Variants in GABRA2 observed in about 807,000 individuals in gnomAD.
GABRA2 encodes the protein gamma-aminobutyric acid type A receptor subunit alpha2.
In GABRA2, 16 loss-of-function variants were observed where a neutral mutation model predicts 48.7. That is an observed-to-expected ratio of 0.33 (90% CI 0.22 to 0.50). The LOEUF is 0.50. Ranked by LOEUF, GABRA2 falls within the 20% of genes least tolerant of loss-of-function variation. The pLI, the probability that GABRA2 is intolerant of heterozygous loss-of-function variation, is 0.98. For missense variants in GABRA2, 275 were observed against 535.6 expected, an observed-to-expected ratio of 0.51 and a Z score of 4.80; for synonymous variants, 185 against 184.5, an observed-to-expected ratio of 1.00 and a Z score of -0.02.
intron 3 of GABRA2, among the ~76,000 whole-genome samples, chr4:46,380,616 A>C (rs1716630399): frequency 6.6e-6 from 1 of 152,048 alleles, no homozygotes; most frequent in Non-Finnish European, 1.5e-5. Flanking sequence ...ACAAATAAAG[A>C]AACTGAAGCA....
intron 4 of GABRA2, among the ~76,000 whole-genome samples, chr4:46,313,182 AAACAT>A (rs1727959050): frequency 6.7e-6 from 1 of 150,200 alleles, no homozygotes; most frequent in Non-Finnish European, 1.5e-5. Context: ...TAAAAAGAAA[AAACAT>A]AACAGAAAAA....
chr4:46,315,122 C>T (rs1728324088), intron 4 of GABRA2, among the ~76,000 whole-genome samples: 1 of 149,374 alleles, frequency 6.7e-6, no homozygotes, highest in African/African-American at 2.5e-5. Context: ...TGTAAGTATT[C>T]ACTTTAGTCT....
At position 46,292,069 on chromosome 4, in the gene GABRA2, C is replaced by T. The variant is rs1011550979; in HGVS notation, c.856+11391G>A. Among the ~76,000 whole-genome samples the T allele has an allele frequency of 3.9e-5, 6 of 152,164 alleles. No homozygotes were observed. In the East Asian group the frequency reaches 1.2e-3, roughly 30 times the overall value. ...ACGCCAAATGAGTGCATTTGACACT[C>T]CTGATTCATGGCTAGAGAGAGGCAA... On this transcript the variant is annotated intron_variant, in intron 8 of 9. Transcript: ENST00000381620.
intron 9 of GABRA2, among the ~76,000 whole-genome samples, chr4:46,257,954 C>G (rs77612866): frequency 1.3e-5 from 2 of 151,620 alleles, no homozygotes; most frequent in Non-Finnish European, 3.0e-5. Flanking sequence ...TAGGTATGGG[C>G]AGTGGAAAGA....
chr4:46,307,570 G>A (rs768122228), intron 6 of GABRA2, among the ~76,000 whole-genome samples: 2 of 151,930 alleles, frequency 1.3e-5, no homozygotes, highest in Non-Finnish European at 2.9e-5. Flanking sequence ...CTGATAGGCA[G>A]TGACTCTGTC....
chr4:46,296,716 G>A (rs2109577332), intron 8 of GABRA2, among the ~76,000 whole-genome samples: 1 of 148,834 alleles, frequency 6.7e-6, no homozygotes, highest in African/African-American at 2.5e-5. Flanking sequence ...AGGAAATACA[G>A]GATGGGTAGT....
chr4:46,333,294 T>C (rs756524782), intron 3 of GABRA2, among the ~76,000 whole-genome samples: 4 of 152,110 alleles, frequency 2.6e-5, no homozygotes, highest in Non-Finnish European at 5.9e-5. Context: ...AAGACTGAAC[T>C]AAATTGGATT....
chr4:46,261,811 T>C (rs1717032274), intron 9 of GABRA2, 115 bp downstream of exon 9: 1 of 894,918 alleles, frequency 1.1e-6, no homozygotes, highest in African/African-American at 1.7e-5. Context: ...TTGATATGAT[T>C]CAAATTCATA....
At chr4:46,307,573 ACT>A (rs1726918824) in intron 6 of GABRA2, among the ~76,000 whole-genome samples, 1 of 152,072 alleles carries the variant, frequency 6.6e-6, no homozygotes, top group Non-Finnish European at 1.5e-5. Flanking sequence ...ATAGGCAGTG[ACT>A]CTGTCTGATT....
chr4:46,371,458 T>C (rs1714877424), intron 3 of GABRA2, among the ~76,000 whole-genome samples: 1 of 152,178 alleles, frequency 6.6e-6, no homozygotes, highest in Non-Finnish European at 1.5e-5. Flanking sequence ...GTTCACAACC[T>C]TCATTACAGA....
intron 8 of GABRA2, among the ~76,000 whole-genome samples, chr4:46,281,457 A>G (rs1028531000): frequency 2.0e-5 from 3 of 152,194 alleles, no homozygotes; most frequent in Admixed American, 6.5e-5. Flanking sequence ...GAGACTAAGA[A>G]GGCATGAAAA....
chr4:46,314,661 G>A (rs1728241715), intron 4 of GABRA2, among the ~76,000 whole-genome samples: 1 of 151,976 alleles, frequency 6.6e-6, no homozygotes. Flanking sequence ...GCAATAACCA[G>A]TGTCTATCGC....
chr4:46,388,732 G>C lies in GABRA2; in HGVS notation c.-10-16C>G. The C allele has an allele frequency of 6.2e-7, 1 of 1,613,168 alleles. No homozygotes were observed. Among genetic ancestry groups the C allele is most frequent in the South Asian group, 1.1e-5 (1 of 90,786 alleles). ...CACCGCCGCTCTTTACAAAGCCATG[G>C]AATGAAAAACAAAATACACTTAAAA... On this transcript the variant is annotated splice_polypyrimidine_tract_variant and intron_variant, in intron 1 of 9. Transcript: ENST00000381620.
chr4:46,264,008 A>C (rs1560446260), intron 8 of GABRA2, among the ~76,000 whole-genome samples: 2 of 151,340 alleles, frequency 1.3e-5, no homozygotes, highest in Non-Finnish European at 2.9e-5. Context: ...ATACAGCAAC[A>C]TTCTATAGTT....
chr4:46,261,927 T>C lies in GABRA2; in HGVS notation c.1058A>G (p.Lys353Arg), dbSNP rs1717069691. Residue 353 changes from lysine (K) to arginine (R), a missense_variant and splice_region_variant, in exon 9 of 10, where the codon AAG becomes AGG. Physicochemically the swap from Lys to Arg is conservative, Grantham distance 26. Coordinates refer to ENST00000381620, the MANE Select transcript of GABRA2 (RefSeq NM_000807.4). ...AWDGKSVVND[K>R]KKEKASVMIQ... is the part of the protein sequence containing the mutation. The stretch of plus-strand genomic sequence containing the variant: ...GATAACACGGAAGCTCTCACTTACC[T>C]TGTCATTTACTACACTCTTCCCATC... 6.2e-7 allele frequency: 1 copy of C among 1,612,368 alleles called. No homozygotes were observed. The highest frequency in any genetic ancestry group is 1.3e-5 in the African/African-American group (1 of 74,878).
At chr4:46,296,256 A>G (rs1226697607) in intron 8 of GABRA2, among the ~76,000 whole-genome samples, 1 of 152,136 alleles carries the variant, frequency 6.6e-6, no homozygotes, top group Non-Finnish European at 1.5e-5. Flanking sequence ...GTGATCCATT[A>G]GCAAAATTTT....
intron 8 of GABRA2, among the ~76,000 whole-genome samples, chr4:46,289,364 A>G (rs1723150987): frequency 1.3e-5 from 2 of 152,238 alleles, no homozygotes; most frequent in Admixed American, 1.3e-4. Context: ...AATACTACGC[A>G]GCTATAAAAA....
intron 4 of GABRA2, among the ~76,000 whole-genome samples, chr4:46,316,074 C>A (rs1394761716): frequency 6.6e-6 from 1 of 151,766 alleles, no homozygotes; most frequent in Non-Finnish European, 1.5e-5. Flanking sequence ...TTACTCATGG[C>A]AATATATCTA....
chr4:46,349,284 A>G (rs1026591765), intron 3 of GABRA2, among the ~76,000 whole-genome samples: 1 of 152,000 alleles, frequency 6.6e-6, no homozygotes, highest in African/African-American at 2.4e-5. Context: ...TAGTTACATT[A>G]TCTTTGAAAT....
Sources: gnomAD v4.1 joint callset for allele counts (sites outside exome capture counted in the v4.1 genomes callset) on GRCh38, gnomAD v4.1.1 for gene constraint, MANE v1.5 for transcripts, NCBI Gene and HGNC (gene_info 2026-07-23, HGNC 2026-07-21) for gene names.